Variants in MPPED1 observed in about 807,000 individuals in gnomAD.
MPPED1 encodes metallophosphoesterase domain-containing protein 1.
In MPPED1, 16 loss-of-function variants were observed where a neutral mutation model predicts 36.2. The observed-to-expected ratio is 0.44, with a 90% CI of 0.30 to 0.67. MPPED1 has a LOEUF of 0.67. Among genes scored for constraint, MPPED1 ranks in the 30% least tolerant of loss-of-function variants. The probability of loss-of-function intolerance (pLI) is 0.10; values close to 1 mark genes in which losing one functional copy is unlikely to be tolerated. For missense variants in MPPED1, 307 were observed against 453.4 expected (o/e 0.68, Z 2.93); for synonymous variants, 199 against 191.3 (o/e 1.04, Z -0.33).
At chr22:43,493,629 T>C (rs1910322573) in intron 4 of MPPED1, among the ~76,000 whole-genome samples, 1 of 152,228 alleles carries the variant, frequency 6.6e-6, no homozygotes, top group Non-Finnish European at 1.5e-5. Context: ...AGGGGAATAA[T>C]GCTAGTCCCT....
chr22:43,490,774 C>T (rs972915649), intron 4 of MPPED1, among the ~76,000 whole-genome samples: 21 of 152,132 alleles, frequency 1.4e-4, no homozygotes, highest in African/African-American at 4.3e-4. Flanking sequence ...CAGGGAGGAC[C>T]CTAAGTGGCT....
At chr22:43,450,025 G>T (rs976254132) in intron 3 of MPPED1, among the ~76,000 whole-genome samples, 3 of 152,194 alleles carry the variant, frequency 2.0e-5, no homozygotes, top group East Asian at 3.9e-4. Context: ...AGGGACACCA[G>T]CAGGTACCAT....
intron 1 of MPPED1, chr22:43,418,061 A>G (rs1257274752): frequency 6.6e-6 from 3 of 456,146 alleles, no homozygotes; most frequent in East Asian, 6.9e-5. Context: ...GCACCATATT[A>G]TGCTAGCCCC....
At chr22:43,494,306 C>T (rs773335524) in intron 4 of MPPED1, among the ~76,000 whole-genome samples, 8 of 152,232 alleles carry the variant, frequency 5.3e-5, no homozygotes, top group Admixed American at 2.0e-4. Context: ...TCCCAAAGCA[C>T]TGGGATTACA....
intron 4 of MPPED1, among the ~76,000 whole-genome samples, chr22:43,482,922 A>G (rs1931795407): frequency 1.3e-5 from 2 of 152,172 alleles, no homozygotes; most frequent in Non-Finnish European, 2.9e-5. Flanking sequence ...TGTACCCTGA[A>G]AGAGCTCAGG....
chr22:43,430,580 G>A (rs997301440), intron 2 of MPPED1, among the ~76,000 whole-genome samples: 7 of 152,142 alleles, frequency 4.6e-5, no homozygotes, highest in African/African-American at 1.7e-4. Context: ...GGTGTAGGCT[G>A]GGGAGAGCTT....
chr22:43,452,591 A>C (rs1416014135), intron 3 of MPPED1, among the ~76,000 whole-genome samples: 2 of 152,142 alleles, frequency 1.3e-5, no homozygotes, highest in African/African-American at 4.8e-5. Flanking sequence ...TAACATTCAA[A>C]ATGTTTATTT....
At chr22:43,446,868 G>A (rs1347621696) in intron 3 of MPPED1, among the ~76,000 whole-genome samples, 1 of 152,106 alleles carries the variant, frequency 6.6e-6, no homozygotes, top group African/African-American at 2.4e-5. Flanking sequence ...CAGAGATACC[G>A]TGGGCAGCAA....
chr22:43,464,054 G>A (rs1488553207), intron 3 of MPPED1, among the ~76,000 whole-genome samples: 1 of 151,574 alleles, frequency 6.6e-6, no homozygotes. Flanking sequence ...GTTTATAGGC[G>A]CCCGCCACCA....
intron 4 of MPPED1, among the ~76,000 whole-genome samples, chr22:43,491,783 G>A (rs1326776646): frequency 5.3e-4 from 79 of 150,236 alleles, no homozygotes; most frequent in Admixed American, 1.1e-3. Flanking sequence ...TAATGGAGGT[G>A]GTGGTAATGA....
intron 3 of MPPED1, among the ~76,000 whole-genome samples, chr22:43,442,364 C>T (rs945704351): frequency 6.6e-6 from 1 of 152,032 alleles, no homozygotes; most frequent in Non-Finnish European, 1.5e-5. Context: ...TGCCTGGGTG[C>T]ACCTCGCTCT....
At chr22:43,481,971 C>T (rs918210492) in intron 4 of MPPED1, among the ~76,000 whole-genome samples, 1 of 152,190 alleles carries the variant, frequency 6.6e-6, no homozygotes, top group African/African-American at 2.4e-5. Context: ...GCTGCCCCCT[C>T]CCAGGGCGCC....
chr22:43,462,466 C>T (rs941134409), intron 3 of MPPED1, among the ~76,000 whole-genome samples: 9 of 152,138 alleles, frequency 5.9e-5, no homozygotes, highest in African/African-American at 2.2e-4. Flanking sequence ...TTTTAGATTT[C>T]TTATAATGGG....
At chr22:43,500,331 G>GTGA (rs1932675367) in intron 5 of MPPED1, among the ~76,000 whole-genome samples, 1 of 117,300 alleles carries the variant, frequency 8.5e-6, no homozygotes, top group Non-Finnish European at 1.9e-5. Flanking sequence ...GATGGTGGTG[G>GTGA]TGGAGGTGGT....
chr22:43,470,581 T>A (rs1931341197), intron 3 of MPPED1, among the ~76,000 whole-genome samples: 1 of 152,128 alleles, frequency 6.6e-6, no homozygotes. Flanking sequence ...ATAAACGATT[T>A]ATCCATCCAT....
At chr22:43,492,176 C>A (rs368354721) in intron 4 of MPPED1, among the ~76,000 whole-genome samples, 2 of 152,098 alleles carry the variant, frequency 1.3e-5, no homozygotes, top group African/African-American at 4.8e-5. Flanking sequence ...CTGATTTAGT[C>A]ATTTCAACAG....
At chr22:43,472,933 A>T (rs1430709677) in intron 3 of MPPED1, among the ~76,000 whole-genome samples, 1 of 151,412 alleles carries the variant, frequency 6.6e-6, no homozygotes, top group Admixed American at 6.6e-5. Flanking sequence ...ACCTCACTCT[A>T]CCCTTCCCTG....
At chr22:43,427,309 T>G (rs1267744712) in intron 2 of MPPED1, among the ~76,000 whole-genome samples, 2 of 152,094 alleles carry the variant, frequency 1.3e-5, no homozygotes, top group Non-Finnish European at 2.9e-5. Context: ...AAAGACCCCC[T>G]GGAGAACTGG....
rs1601993518 is a variant in MPPED1 at position 43,474,235 on chromosome 22, C to T, written c.407-501C>T. Among the ~76,000 whole-genome samples the T allele has an allele frequency of 6.6e-6, 1 of 152,294 alleles. No homozygotes were observed. Among genetic ancestry groups the T allele is most frequent in the Non-Finnish European group, 1.5e-5 (1 of 68,038 alleles). On this transcript the variant is annotated intron_variant, in intron 3 of 6. Transcript: ENST00000443721. The surrounding 1 kb of genome is among the most constrained non-coding windows in gnomAD (Gnocchi z 5.2). ...GTGGGGGTCTTCTTCCAGTAGAAAA[C>T]TAGTCCAGACAGAAGAAACTGAGGC... is the stretch of plus-strand genomic sequence containing the variant.
Sources: gnomAD v4.1 joint callset for allele counts (sites outside exome capture counted in the v4.1 genomes callset) on GRCh38, gnomAD v4.1.1 for gene constraint, Gnocchi (gnomAD v3.1) non-coding constraint, MANE v1.5 for transcripts, NCBI Gene and HGNC (gene_info 2026-07-23, HGNC 2026-07-21) for gene names.